Variants in USP34 observed in about 807,000 individuals in gnomAD.
The protein encoded by USP34 is ubiquitin specific peptidase 34.
USP34 carries 70 observed loss-of-function variants against 460.3 expected under a neutral mutation model. That is an observed-to-expected ratio of 0.15 (90% CI 0.13 to 0.19). The LOEUF is 0.19. Ranked by LOEUF, USP34 falls within the 10% of genes least tolerant of loss-of-function variation. The pLI is 1.00. For synonymous variants in USP34, 1,647 were observed against 1,405.3 expected, an observed-to-expected ratio of 1.17 and a Z score of -3.85; for missense variants, 3,985 against 4,236.2, an observed-to-expected ratio of 0.94 and a Z score of 1.65.
intron 53 of USP34, among the ~76,000 whole-genome samples, chr2:61,240,916 G>T (rs1399227284): frequency 6.6e-6 from 1 of 152,116 alleles, no homozygotes; most frequent in East Asian, 1.9e-4. Context: ...ATGCATGCTT[G>T]AGGGCATGGG....
chr2:61,375,311 G>A (rs2103849614), intron 8 of USP34, among the ~76,000 whole-genome samples: 1 of 152,268 alleles, frequency 6.6e-6, no homozygotes, highest in African/African-American at 2.4e-5. Flanking sequence ...GTAAAATAAT[G>A]CAGGTATACT....
chr2:61,217,562 T>C (rs1244235926), intron 67 of USP34, among the ~76,000 whole-genome samples: 1 of 152,224 alleles, frequency 6.6e-6, no homozygotes, highest in Non-Finnish European at 1.5e-5. Flanking sequence ...ATAACAATGT[T>C]TCCCAACTGA....
At chr2:61,433,040 C>G (rs1021111411) in intron 1 of USP34, among the ~76,000 whole-genome samples, 9 of 152,152 alleles carry the variant, frequency 5.9e-5, no homozygotes, top group African/African-American at 2.2e-4. Flanking sequence ...GGGAGACTGA[C>G]TAAAGACACC....
intron 67 of USP34, among the ~76,000 whole-genome samples, chr2:61,216,527 G>A (rs192478647): frequency 1.2e-3 from 185 of 152,160 alleles, no homozygotes; most frequent in Non-Finnish European, 2.3e-3. Context: ...GTGAACCCGG[G>A]AGGCAGAGCT....
At chr2:61,453,997 G>GT (rs1366983810) in intron 1 of USP34, among the ~76,000 whole-genome samples, 1 of 151,882 alleles carries the variant, frequency 6.6e-6, no homozygotes, top group Non-Finnish European at 1.5e-5. Context: ...AAAACAGTAG[G>GT]TAAGTATAAA....
intron 5 of USP34, among the ~76,000 whole-genome samples, chr2:61,390,547 T>C (rs531546716): frequency 6.6e-6 from 1 of 152,350 alleles, no homozygotes; most frequent in African/African-American, 2.4e-5. Flanking sequence ...CGGATCCATA[T>C]AATAGGTGGA....
At chr2:61,267,057 G>T (rs1169593564) in intron 41 of USP34, among the ~76,000 whole-genome samples, 5 of 152,192 alleles carry the variant, frequency 3.3e-5, no homozygotes, top group African/African-American at 1.2e-4. Flanking sequence ...AACGTTCTTG[G>T]TATACAATAC....
chr2:61,204,130 GAATCT>G, intron 74 of USP34, 121 bp downstream of exon 74: 1 of 1,275,970 alleles, frequency 7.8e-7, no homozygotes, highest in Non-Finnish European at 1.1e-6. Context: ...AAGTCCAAAT[GAATCT>G]AATCTTCTTA....
At chr2:61,332,919 A>G (rs1199248590) in intron 19 of USP34, among the ~76,000 whole-genome samples, 2 of 152,036 alleles carry the variant, frequency 1.3e-5, no homozygotes, top group Admixed American at 6.6e-5. Flanking sequence ...TCTAATCTGG[A>G]ATTATAGTGC....
At chr2:61,319,581 C>G (rs958704527) in intron 21 of USP34, among the ~76,000 whole-genome samples, 1 of 150,140 alleles carries the variant, frequency 6.7e-6, no homozygotes, top group African/African-American at 2.4e-5. Flanking sequence ...GAAGTGGCTC[C>G]CATCTGTAAT....
intron 2 of USP34, among the ~76,000 whole-genome samples, chr2:61,419,111 T>G: frequency 6.6e-6 from 1 of 152,274 alleles, no homozygotes; most frequent in East Asian, 1.9e-4. Flanking sequence ...TTACAGAACT[T>G]AACTCATTTG....
chr2:61,282,015 A>G (rs752313899), intron 37 of USP34, among the ~76,000 whole-genome samples: 18 of 152,162 alleles, frequency 1.2e-4, no homozygotes, highest in Non-Finnish European at 2.1e-4. Flanking sequence ...TTTAAGACAG[A>G]GTCTTGCTCT....
At chr2:61,192,820 T>G in intron 76 of USP34, 81 bp downstream of exon 76, 2 of 1,210,290 alleles carry the variant, frequency 1.7e-6, no homozygotes, top group Non-Finnish European at 2.4e-6. Flanking sequence ...TCAGCAAGTC[T>G]TCAACCCACT....
At chr2:61,369,697 C>T (rs1235182646) in intron 10 of USP34, among the ~76,000 whole-genome samples, 5 of 109,740 alleles carry the variant, frequency 4.6e-5, no homozygotes, top group Non-Finnish European at 7.7e-5. Flanking sequence ...AAACACTATA[C>T]AGTTTTACAA....
chr2:61,408,596 G>T (rs1693949370), intron 2 of USP34, among the ~76,000 whole-genome samples: 2 of 151,884 alleles, frequency 1.3e-5, no homozygotes, highest in South Asian at 2.1e-4. Flanking sequence ...GAAAAATCAG[G>T]TTTAAAGTAA....
chr2:61,424,567 C>A (rs1459032109), intron 1 of USP34, among the ~76,000 whole-genome samples: 1 of 152,106 alleles, frequency 6.6e-6, no homozygotes, highest in Non-Finnish European at 1.5e-5. Context: ...TAACACTACT[C>A]AACTATATAC....
intron 68 of USP34, among the ~76,000 whole-genome samples, chr2:61,212,745 A>G (rs937317676): frequency 1.3e-5 from 2 of 152,208 alleles, no homozygotes; most frequent in African/African-American, 4.8e-5. Flanking sequence ...ATTCTACAAT[A>G]AAAGACATTA....
chr2:61,447,148 G>A (rs539749185), intron 1 of USP34, among the ~76,000 whole-genome samples: 2 of 150,176 alleles, frequency 1.3e-5, no homozygotes, highest in African/African-American at 4.9e-5. Flanking sequence ...TCAGCTACTC[G>A]GGAGGCTGAG....
rs114950465 is a variant in USP34 at position 61,223,327 on chromosome 2, T to C, written c.7596-31A>G. 4.3e-3 allele frequency: 6,939 copies of C among 1,601,420 alleles called. 23 individuals are homozygous for C. The highest frequency in any genetic ancestry group is 5.5e-3 in the Non-Finnish European group (6,416 of 1,172,798). Reference sequence around the variant, plus strand: ...AGAAAATATTAGTGGAAATAAGTTTTTCTTCCTTCTGTATTACTTTACAGC... The same window carrying C: ...AGAAAATATTAGTGGAAATAAGTTTCTCTTCCTTCTGTATTACTTTACAGC... On this transcript the variant is annotated intron_variant, in intron 62 of 79. Coordinates refer to ENST00000398571, the MANE Select transcript of USP34 (RefSeq NM_014709.4).
Sources: allele counts gnomAD v4.1 joint callset (sites outside exome capture counted in the v4.1 genomes callset), GRCh38; gene constraint gnomAD v4.1.1; transcripts MANE v1.5; gene names NCBI Gene and HGNC (gene_info 2026-07-23, HGNC 2026-07-21).